The following NTN4 variants were observed in gnomAD, a reference collection of about 807,000 sequenced individuals.
The protein encoded by NTN4 is netrin-4.
In NTN4, 32 loss-of-function variants were observed where a neutral mutation model predicts 73.6. That is an observed-to-expected ratio of 0.44 (90% CI 0.33 to 0.58). The LOEUF is 0.58. NTN4 is among the 20% of genes least tolerant of loss of function. The pLI is 0.04. For synonymous variants in NTN4, 258 were observed against 287.5 expected, an observed-to-expected ratio of 0.90 and a Z score of 1.04; for missense variants, 654 against 798.3, an observed-to-expected ratio of 0.82 and a Z score of 2.18.
At chr12:95,782,555 G>A (rs2079140972) in intron 2 of NTN4, among the ~76,000 whole-genome samples, 1 of 152,092 alleles carries the variant, frequency 6.6e-6, no homozygotes, top group Non-Finnish European at 1.5e-5. Context: ...GCCTCCCAAA[G>A]TGCTGGGATT....
intron 3 of NTN4, among the ~76,000 whole-genome samples, chr12:95,727,003 A>C (rs1439385516): frequency 6.6e-6 from 1 of 152,098 alleles, no homozygotes; most frequent in Non-Finnish European, 1.5e-5. Flanking sequence ...AAAATGCCAG[A>C]CTGTTTTCCA....
At chr12:95,695,684 C>G (rs541306679) in intron 5 of NTN4, among the ~76,000 whole-genome samples, 34 of 152,256 alleles carry the variant, frequency 2.2e-4, no homozygotes, top group Non-Finnish European at 2.2e-4. Flanking sequence ...TGCTATGTGA[C>G]TACTGCTCAG....
chr12:95,784,101 G>A (rs2079150584), intron 2 of NTN4, among the ~76,000 whole-genome samples: 1 of 152,180 alleles, frequency 6.6e-6, no homozygotes, highest in Non-Finnish European at 1.5e-5. Context: ...TTGCAAATAA[G>A]CCATAAATGA....
At chr12:95,736,390 T>C (rs2078777932) in intron 3 of NTN4, among the ~76,000 whole-genome samples, 1 of 152,186 alleles carries the variant, frequency 6.6e-6, no homozygotes, top group African/African-American at 2.4e-5. Flanking sequence ...TGCTCAGGAC[T>C]CTACTCTGAG....
chr12:95,713,789 C>G (rs1037525768), intron 3 of NTN4, among the ~76,000 whole-genome samples: 41 of 152,152 alleles, frequency 2.7e-4, no homozygotes, highest in African/African-American at 9.9e-4. Flanking sequence ...CAATCTTTTT[C>G]ACATAATATA....
Position 95,790,146 on chromosome 12 carries a change from G to A in NTN4, c.55+109C>T. On this transcript the variant is annotated intron_variant, in intron 1 of 9. Transcript: ENST00000343702. The surrounding 1 kb of genome is among the most constrained non-coding windows in gnomAD (Gnocchi z 6.5). ...ACATGGCCACTCATTTCACCCTCGG[G>A]AGCAGCGCTCTGCGCTCGCAGCCCT... is the stretch of plus-strand genomic sequence containing the variant. 3.1e-6 allele frequency: 3 copies of A among 957,138 alleles called. No individual in the cohort carries two copies. In the Admixed American group the frequency reaches 8.6e-5, roughly 27 times the overall value. 59.3% of individuals were successfully genotyped at this position (957,138 alleles called of 1,614,324 possible).
intron 3 of NTN4, among the ~76,000 whole-genome samples, chr12:95,733,054 A>AC (rs2121160150): frequency 6.6e-6 from 1 of 152,376 alleles, no homozygotes; most frequent in East Asian, 1.9e-4. Flanking sequence ...AAATTACAGG[A>AC]GAAAAATCTG....
intron 5 of NTN4, among the ~76,000 whole-genome samples, chr12:95,690,414 T>C (rs1195240532): frequency 1.3e-5 from 2 of 152,194 alleles, no homozygotes; most frequent in East Asian, 3.8e-4. Flanking sequence ...CGGAGGAAAG[T>C]AAAGATTTTG....
chr12:95,747,642 G>C (rs1279063228), intron 2 of NTN4, among the ~76,000 whole-genome samples: 1 of 151,938 alleles, frequency 6.6e-6, no homozygotes, highest in African/African-American at 2.4e-5. Context: ...GCTATGTTTT[G>C]ATGCATCCTT....
At chr12:95,684,424 G>A (rs933632) in intron 5 of NTN4, among the ~76,000 whole-genome samples, 51,141 of 151,438 alleles carry the variant, frequency 0.34, 8,548 homozygotes, top group Middle Eastern at 0.4. Context: ...TTAGTCTCCC[G>A]AGTAGGTGGG....
rs1234927082 is a variant in NTN4 at position 95,709,539 on chromosome 12, TC to T, written c.1180+901del. On this transcript the variant is annotated intron_variant, in intron 5 of 9. Transcript: ENST00000343702. Reference sequence around the variant, plus strand: ...CTTCCTTTCTCTCTCTCTCTCTCTCTCTTTTTTTTTTTTTGGAAAGGTTTGG... The same window carrying T: ...CTTCCTTTCTCTCTCTCTCTCTCTCTTTTTTTTTTTTTTGGAAAGGTTTGG... Among the ~76,000 whole-genome samples the T allele has an allele frequency of 3.3e-3, 396 of 120,360 alleles. 1 individual carries two copies. Among genetic ancestry groups the T allele is most frequent in the South Asian group, 4.7e-3 (17 of 3,636 alleles). The allele number at this position is 120,360 out of a possible 152,430, so 79.0% of individuals were successfully genotyped here. A position where few individuals can be genotyped will look rare whatever the true frequency, so the allele number is the denominator to read the frequency against.
At chr12:95,662,446 C>G (rs2078146248) in intron 9 of NTN4, among the ~76,000 whole-genome samples, 1 of 151,788 alleles carries the variant, frequency 6.6e-6, no homozygotes, top group African/African-American at 2.4e-5. Context: ...GCCCAGGCTG[C>G]CCTCGAACTC....
intron 2 of NTN4, among the ~76,000 whole-genome samples, chr12:95,776,489 G>A (rs574454674): frequency 3.3e-5 from 5 of 152,272 alleles, no homozygotes; most frequent in Admixed American, 6.5e-5. Context: ...GCTGAAAACC[G>A]TGGCATGAGA....
At chr12:95,660,518 T>C (rs1592803222) in intron 9 of NTN4, among the ~76,000 whole-genome samples, 1 of 151,944 alleles carries the variant, frequency 6.6e-6, no homozygotes, top group Non-Finnish European at 1.5e-5. Flanking sequence ...TCAAAATTCG[T>C]TTCAAGCTTT....
At chr12:95,736,024 C>T (rs4762612) in intron 3 of NTN4, among the ~76,000 whole-genome samples, 51,688 of 151,336 alleles carry the variant, frequency 0.34, 9,052 homozygotes, top group African/African-American at 0.4. Flanking sequence ...CTGCAACCTC[C>T]GCCTCCCAGG....
Position 95,681,804 on chromosome 12 carries a change from G to A in NTN4, c.1510+903C>T, listed in dbSNP as rs12304488. On this transcript the variant is annotated intron_variant, in intron 7 of 9. Transcript: ENST00000343702. ...ACTCAAAGAGCTATATTTATGTAGT[G>A]AGCAGTGTTTTGGCTTTGGTACAAA... Among the ~76,000 whole-genome samples the A allele has an allele frequency of 5.7e-3, 864 of 152,284 alleles. 11 individuals carry two copies. The highest frequency in any genetic ancestry group is 0.02 in the African/African-American group (820 of 41,570).
intron 2 of NTN4, among the ~76,000 whole-genome samples, chr12:95,755,305 C>A (rs1049694683): frequency 6.6e-6 from 1 of 152,166 alleles, no homozygotes; most frequent in African/African-American, 2.4e-5. Context: ...TGTTCTGAAA[C>A]GGGCTTTCTG....
At chr12:95,683,813 A>G in intron 5 of NTN4, 102 bp from the exon 6 acceptor site, 1 of 780,958 alleles carries the variant, frequency 1.3e-6, no homozygotes, top group Non-Finnish European at 2.1e-6. Flanking sequence ...ACCACACAGC[A>G]TATTTCTGAG....
chr12:95,728,245 T>C (rs777074632), intron 3 of NTN4, among the ~76,000 whole-genome samples: 9 of 152,212 alleles, frequency 5.9e-5, no homozygotes, highest in Non-Finnish European at 1.2e-4. Context: ...AAATATAGGC[T>C]TACTTCTTCC....
Sources: allele counts gnomAD v4.1 joint callset (sites outside exome capture counted in the v4.1 genomes callset), GRCh38; gene constraint gnomAD v4.1.1; non-coding constraint Gnocchi (gnomAD v3.1); transcripts MANE v1.5; gene names NCBI Gene and HGNC (gene_info 2026-07-23, HGNC 2026-07-21).